STX19: variants seen among roughly 807,000 people sequenced by gnomAD.
STX19 encodes the protein syntaxin 19.
Under a neutral mutation model 24.3 loss-of-function variants are expected in STX19, and 26 were observed. That is an observed-to-expected ratio of 1.07 (90% CI 0.78 to 1.48). STX19 has a LOEUF of 1.48. Ranked by LOEUF, STX19 falls within the 40% of genes most tolerant of loss-of-function variation. The pLI, the probability that STX19 is intolerant of heterozygous loss-of-function variation, is 0.00. For synonymous variants in STX19, 116 were observed against 106.9 expected (o/e 1.09, Z -0.52); for missense variants, 367 against 331.9 (o/e 1.11, Z -0.82).
At chr3:94,021,888 A>G (rs2076455552) in intron 1 of STX19, among the ~76,000 whole-genome samples, 1 of 152,016 alleles carries the variant, frequency 6.6e-6, no homozygotes. Flanking sequence ...TAAAAATGTT[A>G]TTTTTTCCCT....
At chr3:94,018,763 G>A (rs1423119990) in intron 1 of STX19, among the ~76,000 whole-genome samples, 3 of 152,134 alleles carry the variant, frequency 2.0e-5, no homozygotes, top group East Asian at 3.9e-4. Flanking sequence ...AGACTCAGAA[G>A]TCTTTTTTTG....
Position 94,016,155 on chromosome 3 carries a change from G to A in STX19, c.-13-873C>T, listed in dbSNP as rs561470192. 7.9e-5 allele frequency among the ~76,000 whole-genome samples: 12 copies of A among 152,134 alleles called. No homozygotes were observed. The East Asian group carries it at 2.3e-3, about 29-fold the overall frequency. ...ATGACATACATACATATAAAATGAA[G>A]GGAATAAAAAGCAGTAAAATGCTAT... On this transcript the variant is annotated intron_variant, in intron 1 of 1. Coordinates refer to ENST00000315099, the MANE Select transcript of STX19 (RefSeq NM_001001850.3).
Position 94,025,095 on chromosome 3 carries a change from A to G in STX19, c.-14+3272T>C, listed in dbSNP as rs958566414. On this transcript the variant is annotated intron_variant, in intron 1 of 1. Coordinates refer to ENST00000315099, the MANE Select transcript of STX19 (RefSeq NM_001001850.3). ...TTGGAAAGCAGGATATTTGAGTCTGACCTCTATAAAGGTTGTTTTTTTCCT... is the reference window on the plus strand; with the variant it reads ...TTGGAAAGCAGGATATTTGAGTCTGGCCTCTATAAAGGTTGTTTTTTTCCT... 2.0e-5 allele frequency among the ~76,000 whole-genome samples: 3 copies of G among 152,130 alleles called. No individual in the cohort carries two copies. In the South Asian group the frequency reaches 6.2e-4, roughly 32 times the overall value.
Position 94,015,249 on chromosome 3 carries a change from T to C in STX19, c.21A>G (p.Glu7=), listed in dbSNP as rs2076307282. 6.5e-7 allele frequency: 1 copy of C among 1,550,162 alleles called. No individual in the cohort carries two copies. The highest frequency in any genetic ancestry group is 8.7e-7 in the Non-Finnish European group (1 of 1,152,898). Residue 7 remains glutamate (E), a synonymous_variant, in exon 2 of 2, where the codon GAA becomes GAG. Coordinates refer to ENST00000315099, the MANE Select transcript of STX19 (RefSeq NM_001001850.3). ...CAATTTCCTTTGTTCTCTGCTTTAG[T>C]TCTTGAAGTCGGTCTTTCATCTTCC... MKDRLQ[E]LKQRTKEIEL...
chr3:94,027,787 A>C (rs2076588318), intron 1 of STX19, among the ~76,000 whole-genome samples: 1 of 152,130 alleles, frequency 6.6e-6, no homozygotes, highest in Non-Finnish European at 1.5e-5. Context: ...AGTATTTTTA[A>C]TGTACTAGTT....
intron 1 of STX19, among the ~76,000 whole-genome samples, chr3:94,024,721 G>A (rs1298374139): frequency 1.3e-5 from 2 of 152,024 alleles, no homozygotes; most frequent in African/African-American, 2.4e-5. Flanking sequence ...GAGTAGCTGG[G>A]ACTACAGTTG....
In STX19 at chr3:94,014,558, G is replaced by A; in HGVS notation, c.712C>T (p.Leu238Phe). 6.2e-7 allele frequency: 1 copy of A among 1,612,614 alleles called. No homozygotes were observed. The part of the protein sequence containing the change: ...DLRDLFIQIS[L>F]LVEEQGESIN... The stretch of plus-strand genomic sequence containing the variant: ...CTCTCTCCTTGTTCCTCTACTAAAA[G>A]AGATATCTGAATGAAAAGATCCCTT... Residue 238 changes from leucine to phenylalanine, a missense_variant, in exon 2 of 2, where the codon CTT becomes TTT. Leu to Phe is a conservative substitution (Grantham distance 22, BLOSUM62 0). Coordinates refer to ENST00000315099, the MANE Select transcript of STX19 (RefSeq NM_001001850.3).
intron 1 of STX19, among the ~76,000 whole-genome samples, chr3:94,020,874 G>A (rs1385021549): frequency 6.6e-6 from 1 of 152,136 alleles, no homozygotes; most frequent in Non-Finnish European, 1.5e-5. Flanking sequence ...AAAAAGTTCA[G>A]TCAGTACAAT....
chr3:94,016,942 G>T (rs1303567604), intron 1 of STX19, among the ~76,000 whole-genome samples: 3 of 152,170 alleles, frequency 2.0e-5, no homozygotes, highest in Non-Finnish European at 4.4e-5. Flanking sequence ...ACCGCTCCCA[G>T]CCTAATTAAG....
intron 1 of STX19, among the ~76,000 whole-genome samples, chr3:94,022,884 T>G (rs1471862129): frequency 6.6e-6 from 1 of 152,072 alleles, no homozygotes; most frequent in Non-Finnish European, 1.5e-5. Flanking sequence ...CTTAATTTTG[T>G]ACATACATCA....
intron 1 of STX19, among the ~76,000 whole-genome samples, chr3:94,021,773 T>C (rs2076453116): frequency 1.3e-5 from 2 of 152,202 alleles, no homozygotes; most frequent in South Asian, 4.1e-4. Context: ...ATCTATAAGC[T>C]CTTTCTAGTA....
rs764876354 is a variant in STX19 at position 94,014,996 on chromosome 3, ACT to A, written c.272_273del (p.Glu91ValfsTer20). Reference protein sequence around the residue: ...SMRRFSLLKRESTITKEIKIQ... With the variant: ...SMRRFSLLKRXSTITKEIKIQ... ...ATTTTTATCTCCTTTGTAATGGTAG[ACT>A]CTCTCTTAAGTAGACTAAACCTTCT... is the stretch of plus-strand genomic sequence containing the variant. On this transcript the variant is annotated frameshift_variant, in exon 2 of 2. Coordinates refer to ENST00000315099, the MANE Select transcript of STX19 (RefSeq NM_001001850.3). LOFTEE classifies it high-confidence loss of function. The A allele has an allele frequency of 2.0e-5, 32 of 1,613,740 alleles. 2 individuals carry two copies. In the South Asian group the frequency reaches 3.4e-4, roughly 17 times the overall value.
rs2076308926 is a variant in STX19 at position 94,015,326 on chromosome 3, A to G, written c.-13-44T>C. On this transcript the variant is annotated intron_variant, in intron 1 of 1. Coordinates refer to ENST00000315099, the MANE Select transcript of STX19 (RefSeq NM_001001850.3). ...TGTGTTGAACAAGTAGAAATTTGGT[A>G]TTTTTCCCCAGTAGCAGTTGACTTC... is the stretch of plus-strand genomic sequence containing the variant. The G allele has an allele frequency of 3.5e-6, 5 of 1,444,590 alleles. No homozygotes were observed. The Admixed American group carries it at 7.6e-5, about 22-fold the overall frequency. The allele number at this position is 1,444,590 out of a possible 1,614,324, so 89.5% of individuals were successfully genotyped here. A position where few individuals can be genotyped will look rare whatever the true frequency, so the allele number is the denominator to read the frequency against.
At chr3:94,019,681 G>T (rs576837884) in intron 1 of STX19, among the ~76,000 whole-genome samples, 68 of 150,296 alleles carry the variant, frequency 4.5e-4, no homozygotes, top group African/African-American at 1.5e-3. Flanking sequence ...TCCTCCTTTG[G>T]CATTATCTCT....
Position 94,015,011 on chromosome 3 carries a change from G to C in STX19, c.259C>G (p.Leu87Val), listed in dbSNP as rs751522765. ...GTAATGGTAGACTCTCTCTTAAGTAGACTAAACCTTCTCATTGAAGCCACC... is the reference window on the plus strand; with the variant it reads ...GTAATGGTAGACTCTCTCTTAAGTACACTAAACCTTCTCATTGAAGCCACC... Reference protein sequence around the residue: ...SLVASMRRFSLLKRESTITKE... With the variant: ...SLVASMRRFSVLKRESTITKE... Residue 87 changes from leucine to valine, a missense_variant, in exon 2 of 2, where the codon CTA (leucine) becomes GTA (valine). Transcript: ENST00000315099. 4.5e-5 allele frequency: 73 copies of C among 1,613,878 alleles called. No individual in the cohort carries two copies. The highest frequency in any genetic ancestry group is 5.4e-5 in the Non-Finnish European group (64 of 1,179,968).
rs1470790582 is a variant in STX19, at chr3:94,028,555, A to T, written c.-202T>A. On this transcript the variant is annotated 5_prime_UTR_variant, in exon 1 of 2. Transcript: ENST00000315099. ...GCCAAATAATGAAGTCAAATAAGAG[A>T]TAAAGTTGTACGTTTGCTGTTAATA... 6.6e-6 allele frequency: 1 copy of T among 152,220 alleles called. No individual in the cohort carries two copies. The allele number at this position is 152,220 out of a possible 1,614,324, so 9.4% of individuals were successfully genotyped here.
rs1422777342 is a variant in STX19, at chr3:94,014,423, G to C, written c.847C>G (p.Leu283Val). The change falls in exon 2 of 2, where the codon CTG becomes GTG. Residue 283 changes from leucine to valine, a missense_variant. Transcript: ENST00000315099. ...KYKKRNPCRV[L>V]CCWCCPCCSS... ...CAGCATGGACAGCACCAACAACACA[G>C]TACTCTGCAAGGATTTCTTTTTTTG... is the stretch of plus-strand genomic sequence containing the variant. The C allele has an allele frequency of 6.3e-7, 1 of 1,577,546 alleles. No individual in the cohort carries two copies. The highest frequency in any genetic ancestry group is 8.6e-7 in the Non-Finnish European group (1 of 1,167,966).
At chr3:94,022,270 C>G (rs527374328) in intron 1 of STX19, among the ~76,000 whole-genome samples, 11 of 151,838 alleles carry the variant, frequency 7.2e-5, no homozygotes, top group Admixed American at 7.2e-4. Context: ...GAATTACAGG[C>G]GCCTGCCACC....
At chr3:94,025,154 A>C (rs1217270758) in intron 1 of STX19, among the ~76,000 whole-genome samples, 1 of 152,064 alleles carries the variant, frequency 6.6e-6, no homozygotes, top group African/African-American at 2.4e-5. Context: ...TTCCCTGAAC[A>C]TGCACCACAC....
Sources: allele counts gnomAD v4.1 joint callset (sites outside exome capture counted in the v4.1 genomes callset), GRCh38; gene constraint gnomAD v4.1.1; transcripts MANE v1.5; gene names NCBI Gene and HGNC (gene_info 2026-07-23, HGNC 2026-07-21).